The following PRKN variants were observed in gnomAD, a reference collection of about 807,000 sequenced individuals.
The protein encoded by PRKN is parkin RBR E3 ubiquitin protein ligase.
PRKN carries 56 observed loss-of-function variants against 59.5 expected under a neutral mutation model. That is an observed-to-expected ratio of 0.94 (90% CI 0.76 to 1.18). The LOEUF (loss-of-function observed/expected upper bound fraction) is 1.18, where lower values mean the gene tolerates loss of function less well. Ranked by LOEUF, PRKN falls within the 50% of genes most tolerant of loss-of-function variation. The pLI is 0.00. For missense variants in PRKN, 657 were observed against 596.4 expected, an observed-to-expected ratio of 1.10 and a Z score of -1.06; for synonymous variants, 250 against 222.1, an observed-to-expected ratio of 1.13 and a Z score of -1.12.
chr6:162,654,149 TA>T (rs1778552946), intron 1 of PRKN, among the ~76,000 whole-genome samples: 1 of 152,210 alleles, frequency 6.6e-6, no homozygotes, highest in Non-Finnish European at 1.5e-5. Flanking sequence ...GAGACTTGTT[TA>T]AAGTAGTGAT....
chr6:161,542,831 C>G (rs999017227), intron 9 of PRKN, among the ~76,000 whole-genome samples: 1 of 152,038 alleles, frequency 6.6e-6, no homozygotes, highest in African/African-American at 2.4e-5. Flanking sequence ...CTGAGAAACA[C>G]CTGTTCTTTC....
intron 4 of PRKN, among the ~76,000 whole-genome samples, chr6:162,100,449 CTT>C (rs1288699025): frequency 6.7e-6 from 1 of 150,284 alleles, no homozygotes; most frequent in African/African-American, 2.4e-5. Context: ...TCTTGTCTTT[CTT>C]GTCTTTTTTT....
At chr6:162,102,709 G>C (rs1439968457) in intron 4 of PRKN, among the ~76,000 whole-genome samples, 3 of 144,902 alleles carry the variant, frequency 2.1e-5, no homozygotes, top group Non-Finnish European at 4.4e-5. Context: ...AGAAGAAATA[G>C]AGGGCATGGC....
intron 4 of PRKN, among the ~76,000 whole-genome samples, chr6:162,088,094 G>C (rs569334539): frequency 3.0e-4 from 46 of 152,194 alleles, no homozygotes; most frequent in Admixed American, 2.7e-3. Flanking sequence ...ACATCAATGA[G>C]GACCTTTAGA....
At chr6:161,510,038 C>T (rs774167903) in intron 9 of PRKN, among the ~76,000 whole-genome samples, 1 of 152,130 alleles carries the variant, frequency 6.6e-6, no homozygotes, top group Admixed American at 6.5e-5. Flanking sequence ...ATGCCCTTGC[C>T]AGGAGGCTAA....
chr6:162,184,702 C>T (rs910664697), intron 4 of PRKN, among the ~76,000 whole-genome samples: 30 of 152,102 alleles, frequency 2.0e-4, no homozygotes, highest in African/African-American at 3.4e-4. Flanking sequence ...AGCGTGAGAA[C>T]GGACTAATAC....
chr6:161,907,241 T>A (rs9347562), intron 6 of PRKN, among the ~76,000 whole-genome samples: 1 of 151,892 alleles, frequency 6.6e-6, no homozygotes, highest in Admixed American at 6.6e-5. Context: ...TGGTTCTAGA[T>A]GAATTTCACT....
chr6:161,519,023 A>T (rs987205926), intron 9 of PRKN, among the ~76,000 whole-genome samples: 2 of 152,236 alleles, frequency 1.3e-5, no homozygotes, highest in African/African-American at 4.8e-5. Flanking sequence ...CAGAGAGCAT[A>T]GACATTTATA....
chr6:162,558,741 C>T (rs9458592), intron 1 of PRKN, among the ~76,000 whole-genome samples: 46,395 of 151,348 alleles, frequency 0.31, 7,523 homozygotes, highest in East Asian at 0.49. Flanking sequence ...AAGGCTCAAG[C>T]GATTCTTCTG....
intron 6 of PRKN, among the ~76,000 whole-genome samples, chr6:161,863,618 C>G (rs1583265051): frequency 6.6e-6 from 1 of 152,228 alleles, no homozygotes; most frequent in East Asian, 1.9e-4. Context: ...TTAACCCAGT[C>G]ATCAGCACCA....
chr6:162,352,647 G>T (rs1482594358), intron 2 of PRKN, among the ~76,000 whole-genome samples: 1 of 152,102 alleles, frequency 6.6e-6, no homozygotes, highest in African/African-American at 2.4e-5. Context: ...AGTGAAGCAG[G>T]TTAAAATCTA....
At chr6:162,312,463 T>A (rs2068468633) in intron 2 of PRKN, among the ~76,000 whole-genome samples, 1 of 152,152 alleles carries the variant, frequency 6.6e-6, no homozygotes, top group South Asian at 2.1e-4. Flanking sequence ...GGTGACCATG[T>A]ACTCTACTCC....
At chr6:161,735,042 C>A (rs990584056) in intron 7 of PRKN, among the ~76,000 whole-genome samples, 1 of 150,586 alleles carries the variant, frequency 6.6e-6, no homozygotes, top group Non-Finnish European at 1.5e-5. Flanking sequence ...AAAGCACATG[C>A]CCCCTCCAGT....
At position 162,197,521 on chromosome 6, in the gene PRKN, C is replaced by A. The variant is rs79788463; in HGVS notation, c.534+3610G>T. The stretch of plus-strand genomic sequence containing the variant: ...CAAGGGAAGTAGTTAGAAAATAGAA[C>A]ACTGATTACTAGATTTGTATAGTGA... On this transcript the variant is annotated intron_variant, in intron 4 of 11. Coordinates refer to ENST00000366898, the MANE Select transcript of PRKN (RefSeq NM_004562.3). Among the ~76,000 whole-genome samples the A allele has an allele frequency of 2.3e-3, 356 of 152,072 alleles. 1 individual carries two copies. Among genetic ancestry groups the A allele is most frequent in the African/African-American group, 8.0e-3 (333 of 41,482 alleles).
rs548028983 is a variant in PRKN, at chr6:161,560,891, T to C, written c.933+8464A>G. Among the ~76,000 whole-genome samples the C allele has an allele frequency of 1.0e-3, 157 of 152,328 alleles. No individual in the cohort carries two copies. Among genetic ancestry groups the C allele is most frequent in the African/African-American group, 3.5e-3 (145 of 41,580 alleles). On this transcript the variant is annotated intron_variant, in intron 8 of 11. Transcript: ENST00000366898. This position sits in a 1 kb window ranked among gnomAD's most constrained non-coding sequence, Gnocchi z 4.9. Reference sequence around the variant, plus strand: ...CTTCTGTCATCTACCACCAGAAGCATTGCCTGGAAAACACAGATTTCCGTG... The same window carrying C: ...CTTCTGTCATCTACCACCAGAAGCACTGCCTGGAAAACACAGATTTCCGTG...
At chr6:161,464,215 T>C (rs1790339727) in intron 9 of PRKN, among the ~76,000 whole-genome samples, 2 of 152,184 alleles carry the variant, frequency 1.3e-5, no homozygotes, top group African/African-American at 4.8e-5. Flanking sequence ...GGTTTCTCCA[T>C]GTTGGTCAGG....
chr6:162,067,706 T>C (rs1193992675), intron 4 of PRKN, among the ~76,000 whole-genome samples: 1 of 152,162 alleles, frequency 6.6e-6, no homozygotes, highest in Non-Finnish European at 1.5e-5. Flanking sequence ...CCAGAAGCCA[T>C]AGTTAATACC....
chr6:162,192,484 G>A (rs1044472830), intron 4 of PRKN, among the ~76,000 whole-genome samples: 2 of 110,726 alleles, frequency 1.8e-5, no homozygotes, highest in Non-Finnish European at 3.3e-5. Flanking sequence ...ATAAGGTCTC[G>A]CTCTGTCACT....
chr6:161,910,300 G>A (rs961854664), intron 6 of PRKN, among the ~76,000 whole-genome samples: 1 of 152,150 alleles, frequency 6.6e-6, no homozygotes, highest in Admixed American at 6.5e-5. Context: ...TATTGCCCAG[G>A]GTGGAGTGCA....
Sources: allele counts gnomAD v4.1 joint callset (sites outside exome capture counted in the v4.1 genomes callset), GRCh38; gene constraint gnomAD v4.1.1; non-coding constraint Gnocchi (gnomAD v3.1); transcripts MANE v1.5; gene names NCBI Gene and HGNC (gene_info 2026-07-23, HGNC 2026-07-21).